The following PIK3C2B variants were observed in gnomAD, a reference collection of about 807,000 sequenced individuals.
PIK3C2B encodes the protein phosphatidylinositol 4-phosphate 3-kinase C2 domain-containing subunit beta.
PIK3C2B carries 83 observed loss-of-function variants against 184.3 expected under a neutral mutation model. That is an observed-to-expected ratio of 0.45 (90% CI 0.38 to 0.54). The LOEUF (loss-of-function observed/expected upper bound fraction) is 0.54, where lower values mean the gene tolerates loss of function less well. Among genes scored for constraint, PIK3C2B ranks in the 20% least tolerant of loss-of-function variants. The pLI, the probability that PIK3C2B is intolerant of heterozygous loss-of-function variation, is 0.00. For synonymous variants in PIK3C2B, 779 were observed against 837.6 expected (o/e 0.93, Z 1.21); for missense variants, 1,736 against 2,113.5 (o/e 0.82, Z 3.50).
intron 1 of PIK3C2B, among the ~76,000 whole-genome samples, chr1:204,493,127 C>A (rs1302687619): frequency 6.6e-6 from 1 of 152,198 alleles, no homozygotes; most frequent in Non-Finnish European, 1.5e-5. Flanking sequence ...TGGGCCATTT[C>A]TCTTCCTAAT....
In PIK3C2B at chr1:204,457,056, C is replaced by T; in HGVS notation, c.1728G>A (p.Leu576=). ...CCTTACCTCGGTTTTCCCTCACAGC[C>T]AAGACACTGGGATCCTGTTGGGAAA... The part of the protein sequence containing the change: ...QPKIQKDPSV[L]AVRENREKVV... The change falls in exon 10 of 33, where the codon TTG becomes TTA. Residue 576 remains leucine (L), a synonymous_variant. Coordinates refer to ENST00000684373, the MANE Select transcript of PIK3C2B (RefSeq NM_001377334.1). The T allele has an allele frequency of 6.4e-7, 1 of 1,566,098 alleles. No individual in the cohort carries two copies. The highest frequency in any genetic ancestry group is 1.2e-5 in the South Asian group (1 of 84,914).
At chr1:204,452,163 C>T (rs1654418318) in intron 12 of PIK3C2B, among the ~76,000 whole-genome samples, 1 of 152,064 alleles carries the variant, frequency 6.6e-6, no homozygotes, top group Non-Finnish European at 1.5e-5. Flanking sequence ...AGGTGGGGAT[C>T]TCAGGGAACA....
chr1:204,484,958 G>A (rs1213642910), intron 1 of PIK3C2B, among the ~76,000 whole-genome samples: 3 of 152,110 alleles, frequency 2.0e-5, no homozygotes, highest in Non-Finnish European at 4.4e-5. Flanking sequence ...CAGTGATAGA[G>A]GTGAGACCAG....
chr1:204,465,180 A>G (rs760961571), intron 3 of PIK3C2B, 39 bp downstream of exon 3: 3 of 656,224 alleles, frequency 4.6e-6, no homozygotes, highest in South Asian at 1.4e-5. Flanking sequence ...CCCATCCCCC[A>G]TAGCCCTCCC....
At chr1:204,460,009 T>C (rs1655195734) in intron 7 of PIK3C2B, 68 bp from the exon 8 acceptor site, 5 of 1,260,956 alleles carry the variant, frequency 4.0e-6, no homozygotes, top group South Asian at 1.2e-5. Flanking sequence ...GGGAAACCCA[T>C]TTTCTCCCTC....
At chr1:204,456,363 A>G (rs778030863) in intron 10 of PIK3C2B, 1 of 226,804 alleles carries the variant, frequency 4.4e-6, no homozygotes, top group Non-Finnish European at 8.5e-6. Context: ...TGCTTCAAAA[A>G]AGCAAAAGTC....
At chr1:204,476,467 A>T (rs1376527392) in intron 1 of PIK3C2B, among the ~76,000 whole-genome samples, 2 of 152,152 alleles carry the variant, frequency 1.3e-5, no homozygotes, top group Non-Finnish European at 2.9e-5. Flanking sequence ...GATCGTTTGG[A>T]CCTGGGAGTT....
At chr1:204,450,848 C>T (rs1265829212) in intron 12 of PIK3C2B, among the ~76,000 whole-genome samples, 3 of 152,186 alleles carry the variant, frequency 2.0e-5, no homozygotes, top group South Asian at 2.1e-4. Flanking sequence ...GGAGGACCCA[C>T]GTTACCTTTC....
chr1:204,456,873 A>AACAC (rs747482741), intron 10 of PIK3C2B, among the ~76,000 whole-genome samples, 164 bp downstream of exon 10: 12,591 of 141,490 alleles, frequency 0.089, 585 homozygotes, highest in East Asian at 0.13. Flanking sequence ...CTCATATAGG[A>AACAC]ACACACACAC....
At chr1:204,463,526 C>A (rs979103577) in intron 5 of PIK3C2B, among the ~76,000 whole-genome samples, 4 of 152,092 alleles carry the variant, frequency 2.6e-5, no homozygotes, top group African/African-American at 7.2e-5. Flanking sequence ...ACTAGCTGCA[C>A]GGGCCAGCTG....
chr1:204,473,803 C>G (rs1263999608), intron 1 of PIK3C2B, among the ~76,000 whole-genome samples: 4 of 152,222 alleles, frequency 2.6e-5, no homozygotes, highest in African/African-American at 9.6e-5. Context: ...CCTGCTGAGG[C>G]ACAATCCTCT....
intron 20 of PIK3C2B, among the ~76,000 whole-genome samples, chr1:204,441,851 C>A (rs1240272891): frequency 6.6e-6 from 1 of 152,146 alleles, no homozygotes; most frequent in Admixed American, 6.5e-5. Context: ...TGGTAAGTCA[C>A]ATGTCCCATC....
rs376232712 is a variant in PIK3C2B, at chr1:204,449,316, G to C, written c.2235-20C>G. Reference sequence around the variant, plus strand: ...AGGACCCTAAGAAGGAGGGAGAGTGGGAAGAGCTGCTAAAGTGGCTAAGCA... The same window carrying C: ...AGGACCCTAAGAAGGAGGGAGAGTGCGAAGAGCTGCTAAAGTGGCTAAGCA... On this transcript the variant is annotated intron_variant, in intron 13 of 32. Coordinates refer to ENST00000684373, the MANE Select transcript of PIK3C2B (RefSeq NM_001377334.1). 1.3e-6 allele frequency: 2 copies of C among 1,567,658 alleles called. No individual in the cohort carries two copies. Among genetic ancestry groups the C allele is most frequent in the Non-Finnish European group, 8.7e-7 (1 of 1,144,738 alleles).
At chr1:204,440,470 G>A (rs1024057287) in intron 21 of PIK3C2B, 149 bp from the exon 22 acceptor site, 3 of 719,474 alleles carry the variant, frequency 4.2e-6, no homozygotes, top group Middle Eastern at 2.7e-4. Flanking sequence ...CTCACACCAG[G>A]TCAAAGATGG....
chr1:204,457,136 AG>A, intron 9 of PIK3C2B, 66 bp from the exon 10 acceptor site: 1 of 1,410,378 alleles, frequency 7.1e-7, no homozygotes, highest in Non-Finnish European at 9.8e-7. Context: ...AGCTGGAAGA[AG>A]GGCTTTTCAC....
intron 23 of PIK3C2B, among the ~76,000 whole-genome samples, chr1:204,436,426 AG>A (rs1675346781): frequency 6.6e-6 from 1 of 152,162 alleles, no homozygotes; most frequent in Non-Finnish European, 1.5e-5. Context: ...GCTACTTGGA[AG>A]GCTGAGTCAG....
intron 15 of PIK3C2B, 121 bp from the exon 16 acceptor site, chr1:204,446,265 G>T (rs113441395): frequency 7.0e-6 from 4 of 571,436 alleles, no homozygotes; most frequent in Non-Finnish European, 8.5e-6. Flanking sequence ...GCAATTCAGC[G>T]GTTCCCAAGC....
intron 1 of PIK3C2B, among the ~76,000 whole-genome samples, chr1:204,476,223 T>C (rs1392468980): frequency 7.9e-5 from 12 of 152,184 alleles, no homozygotes; most frequent in Non-Finnish European, 4.4e-5. Flanking sequence ...GTTTCATGTT[T>C]CCTGCCTCCC....
intron 17 of PIK3C2B, 57 bp downstream of exon 17, chr1:204,444,274 C>T: frequency 6.7e-7 from 1 of 1,499,688 alleles, no homozygotes. Flanking sequence ...AATGCAGACT[C>T]ACTTGGGATA....
Sources: allele counts gnomAD v4.1 joint callset (sites outside exome capture counted in the v4.1 genomes callset), GRCh38; gene constraint gnomAD v4.1.1; transcripts MANE v1.5; gene names NCBI Gene and HGNC (gene_info 2026-07-23, HGNC 2026-07-21).